FER1L6: variants seen among roughly 807,000 people sequenced by gnomAD.
FER1L6 encodes the protein fer-1 like family member 6.
A neutral mutation model predicts 219.2 loss-of-function variants in FER1L6; 177 were observed. The observed-to-expected ratio is 0.81, with a 90% confidence interval of 0.71 to 0.91. The LOEUF is 0.91. FER1L6 is among the 40% of genes least tolerant of loss of function. FER1L6 has a pLI of 0.00. For synonymous variants in FER1L6, 768 were observed against 824.3 expected (o/e 0.93, Z 1.17); for missense variants, 2,153 against 2,259.9 (o/e 0.95, Z 0.96).
intron 12 of FER1L6, among the ~76,000 whole-genome samples, chr8:124,000,282 A>G (rs537185395): frequency 2.0e-4 from 30 of 152,346 alleles, no homozygotes; most frequent in South Asian, 8.3e-4. Context: ...AGGCAATTCA[A>G]GACTGTTTTT....
At chr8:123,962,210 G>C (rs1586521727) in intron 2 of FER1L6, among the ~76,000 whole-genome samples, 1 of 152,148 alleles carries the variant, frequency 6.6e-6, no homozygotes, top group South Asian at 2.1e-4. Flanking sequence ...TTTTTATCAG[G>C]AGAAAGTCAC....
chr8:124,042,679 G>A (rs1342017554), intron 20 of FER1L6, among the ~76,000 whole-genome samples: 1 of 152,132 alleles, frequency 6.6e-6, no homozygotes, highest in African/African-American at 2.4e-5. Flanking sequence ...TAATGATGAG[G>A]AAAGCTGAAC....
chr8:124,112,204 T>C (rs923489845), intron 39 of FER1L6, among the ~76,000 whole-genome samples: 1 of 152,192 alleles, frequency 6.6e-6, no homozygotes, highest in African/African-American at 2.4e-5. Context: ...GAAGCCAGCA[T>C]TCAAACATGG....
chr8:124,113,942 G>A (rs1389966731), intron 39 of FER1L6, among the ~76,000 whole-genome samples: 2 of 152,172 alleles, frequency 1.3e-5, no homozygotes, highest in Non-Finnish European at 2.9e-5. Context: ...TTTCTTCACT[G>A]TAAAGGCACA....
chr8:123,873,857 C>G (rs1816962995), intron 1 of FER1L6, among the ~76,000 whole-genome samples: 1 of 152,102 alleles, frequency 6.6e-6, no homozygotes, highest in Non-Finnish European at 1.5e-5. Flanking sequence ...AATCTCTGAC[C>G]TTTCTGCTTC....
At chr8:123,930,857 T>A (rs1813736995) in intron 1 of FER1L6, among the ~76,000 whole-genome samples, 1 of 152,124 alleles carries the variant, frequency 6.6e-6, no homozygotes, top group Non-Finnish European at 1.5e-5. Context: ...TCTGATGACT[T>A]GGGATGGAGA....
chr8:124,119,772 G>A lies in FER1L6; in HGVS notation c.5556G>A (p.Arg1852=), dbSNP rs758075289. 5.0e-6 allele frequency: 8 copies of A among 1,613,820 alleles called. No homozygotes were observed. The South Asian group carries it at 8.8e-5, about 18-fold the overall frequency. ...CCTTGCCAGGAGCCATCAGCCGAAG[G>A]ATCGTTGTGGGCTCATAGAGGATCA... ...IYTLPGAISR[R]IVVGS is the part of the protein sequence containing the mutation. The change falls in exon 41 of 41, where the codon AGG becomes AGA. Residue 1852 remains arginine, a synonymous_variant. Transcript: ENST00000522917.
intron 39 of FER1L6, among the ~76,000 whole-genome samples, chr8:124,107,677 G>A (rs1822837822): frequency 2.0e-5 from 3 of 152,156 alleles, no homozygotes; most frequent in African/African-American, 7.2e-5. Flanking sequence ...GAATAGTTTT[G>A]TAATGACTGG....
At chr8:124,054,550 A>G (rs1820196794) in intron 22 of FER1L6, among the ~76,000 whole-genome samples, 1 of 152,164 alleles carries the variant, frequency 6.6e-6, no homozygotes, top group Non-Finnish European at 1.5e-5. Context: ...AGACCGTCAC[A>G]TTTCTGTAGC....
chr8:124,079,462 TA>T (rs34400253), intron 32 of FER1L6, among the ~76,000 whole-genome samples: 121,673 of 152,160 alleles, frequency 0.8, 49,004 homozygotes, highest in Non-Finnish European at 0.86. Context: ...TAATTACATC[TA>T]AAAAAATGCC....
intron 1 of FER1L6, among the ~76,000 whole-genome samples, chr8:123,885,669 C>A (rs1817188230): frequency 6.6e-6 from 1 of 152,202 alleles, no homozygotes; most frequent in Non-Finnish European, 1.5e-5. Context: ...GCAGAGCGGG[C>A]TTTGGAGCCA....
rs529393176 is a variant in FER1L6, at chr8:123,928,243, G to GT, written c.-7-27743dup. Among the ~76,000 whole-genome samples the GT allele has an allele frequency of 2.4e-4, 36 of 152,282 alleles. 1 individual carries two copies. In the South Asian group the frequency reaches 7.0e-3, roughly 30 times the overall value. ...TGTAGCCTGATGGCAAATTATTGAA[G>GT]TTTTTTATTGGTAGAATGGACCTTT... On this transcript the variant is annotated intron_variant, in intron 1 of 40. Coordinates refer to ENST00000522917, the MANE Select transcript of FER1L6 (RefSeq NM_001039112.2).
chr8:123,873,765 G>T (rs1011726569), intron 1 of FER1L6, among the ~76,000 whole-genome samples: 14 of 152,096 alleles, frequency 9.2e-5, no homozygotes, highest in African/African-American at 3.4e-4. Flanking sequence ...TTCTACCACA[G>T]CATTCCACTC....
At chr8:123,864,383 C>A (rs1275998024) in intron 1 of FER1L6, among the ~76,000 whole-genome samples, 2 of 149,518 alleles carry the variant, frequency 1.3e-5, no homozygotes, top group Non-Finnish European at 2.9e-5. Context: ...TGAGGGTAAC[C>A]CGACCTTTCT....
chr8:124,017,105 C>T (rs567403478), intron 15 of FER1L6, among the ~76,000 whole-genome samples: 7 of 152,164 alleles, frequency 4.6e-5, no homozygotes, highest in African/African-American at 1.2e-4. Context: ...TTTCCCCAAG[C>T]GTTTAGTCCA....
At chr8:124,091,290 G>GA (rs746775077) in intron 33 of FER1L6, 133 bp from the exon 34 acceptor site, 9 of 623,828 alleles carry the variant, frequency 1.4e-5, no homozygotes, top group Non-Finnish European at 2.3e-5. Context: ...TGTTTGGCCA[G>GA]AAAAGAGAGA....
chr8:123,981,932 G>A (rs1014401312), intron 11 of FER1L6, among the ~76,000 whole-genome samples: 6 of 152,114 alleles, frequency 3.9e-5, no homozygotes, highest in Non-Finnish European at 5.9e-5. Flanking sequence ...TGTTGTTGTC[G>A]TCAGTGTCGC....
At chr8:124,024,722 G>A (rs1297657027) in intron 18 of FER1L6, among the ~76,000 whole-genome samples, 1 of 152,082 alleles carries the variant, frequency 6.6e-6, no homozygotes, top group Admixed American at 6.6e-5. Flanking sequence ...CCCAATAGTG[G>A]GTAGTGGGAT....
chr8:123,963,858 C>T (rs1013516396), intron 3 of FER1L6, among the ~76,000 whole-genome samples: 26 of 152,226 alleles, frequency 1.7e-4, no homozygotes, highest in Admixed American at 3.3e-4. Context: ...AAATAGCCCC[C>T]AGATCTGTGG....
Sources: allele counts gnomAD v4.1 joint callset (sites outside exome capture counted in the v4.1 genomes callset), GRCh38; gene constraint gnomAD v4.1.1; transcripts MANE v1.5; gene names NCBI Gene and HGNC (gene_info 2026-07-23, HGNC 2026-07-21).